Variants in SYT10 observed in about 807,000 individuals in gnomAD.
SYT10 encodes synaptotagmin-10.
SYT10 carries 31 observed loss-of-function variants against 51.1 expected under a neutral mutation model. The ratio of observed to expected loss-of-function variants is 0.61; its 90% CI spans 0.46 to 0.82. The LOEUF is 0.82. Among genes scored for constraint, SYT10 ranks in the 40% least tolerant of loss-of-function variants. The pLI, the probability that SYT10 is intolerant of heterozygous loss-of-function variation, is 0.00. For synonymous variants in SYT10, 233 were observed against 225.9 expected, an observed-to-expected ratio of 1.03 and a Z score of -0.28; for missense variants, 603 against 634.0, an observed-to-expected ratio of 0.95 and a Z score of 0.53.
At chr12:33,413,755 C>A (rs145771953) in intron 2 of SYT10, among the ~76,000 whole-genome samples, 1 of 152,160 alleles carries the variant, frequency 6.6e-6, no homozygotes, top group South Asian at 2.1e-4. Context: ...ACCTTCAAGG[C>A]TAGGAAGAAA....
At chr12:33,439,328 G>T in intron 1 of SYT10, 44 bp downstream of exon 1, 1 of 1,586,458 alleles carries the variant, frequency 6.3e-7, no homozygotes, top group Non-Finnish European at 8.6e-7. Flanking sequence ...AGCGCGCGGG[G>T]TCCCAGCGGA....
chr12:33,388,176 TA>T (rs1291905828), intron 3 of SYT10, among the ~76,000 whole-genome samples: 5 of 152,160 alleles, frequency 3.3e-5, no homozygotes, highest in Admixed American at 6.5e-5. Flanking sequence ...CTTTTTGTAT[TA>T]GGGGTATTAA....
chr12:33,386,457 T>C (rs964827561), intron 3 of SYT10, among the ~76,000 whole-genome samples: 3 of 152,036 alleles, frequency 2.0e-5, no homozygotes, highest in African/African-American at 7.2e-5. Context: ...CTCAAACAAA[T>C]GAAGTTTGTT....
chr12:33,407,653 T>C, intron 2 of SYT10: 1 of 301,424 alleles, frequency 3.3e-6, no homozygotes, highest in Admixed American at 4.8e-5. Context: ...TCACCCTAGC[T>C]GGAGTACGGT....
Position 33,438,413 on chromosome 12 carries a change from C to A in SYT10, c.151+959G>T, listed in dbSNP as rs1866655182. Among the ~76,000 whole-genome samples, 3 of 152,210 alleles carry A rather than the reference C, an allele frequency of 2.0e-5. No homozygotes were observed. In the South Asian group the frequency reaches 6.2e-4, roughly 31 times the overall value. ...GCTCTTGAAACCACGCAGCCCGCAACTCGGGGATCCACCTCGCGTGCGCCC... is the reference window on the plus strand; with the variant it reads ...GCTCTTGAAACCACGCAGCCCGCAAATCGGGGATCCACCTCGCGTGCGCCC... On this transcript the variant is annotated intron_variant, in intron 1 of 6. Transcript: ENST00000228567.
intron 3 of SYT10, among the ~76,000 whole-genome samples, chr12:33,406,577 C>T (rs983301756): frequency 4.6e-5 from 7 of 152,126 alleles, no homozygotes; most frequent in Admixed American, 3.3e-4. Context: ...ATAAGAGCTA[C>T]GTTTTTTTAT....
chr12:33,439,613 T>G lies in SYT10; in HGVS notation c.-91A>C. On this transcript the variant is annotated 5_prime_UTR_variant, in exon 1 of 7. It removes an upstream start codon present in the reference 5' UTR. Transcript: ENST00000228567. The stretch of plus-strand genomic sequence containing the variant: ...CTAACCCCTCTGGCGCCCTAAGCCA[T>G]AGTCCGCCCGCGGTGACTTTGGCTG... 6.9e-7 allele frequency: 1 copy of G among 1,456,318 alleles called. No homozygotes were observed. The highest frequency in any genetic ancestry group is 9.2e-7 in the Non-Finnish European group (1 of 1,084,240). The allele number at this position is 1,456,318 out of a possible 1,614,324, so 90.2% of individuals were successfully genotyped here.
chr12:33,392,810 A>G (rs1236665200), intron 3 of SYT10, among the ~76,000 whole-genome samples: 1 of 151,744 alleles, frequency 6.6e-6, no homozygotes, highest in Non-Finnish European at 1.5e-5. Flanking sequence ...AGACAGGATA[A>G]TTACAAAACC....
chr12:33,430,477 G>T (rs1331977912), intron 1 of SYT10, among the ~76,000 whole-genome samples: 1 of 152,108 alleles, frequency 6.6e-6, no homozygotes, highest in African/African-American at 2.4e-5. Context: ...TACCCATGCA[G>T]CTAACATGAT....
At chr12:33,390,552 C>T (rs183739177) in intron 3 of SYT10, among the ~76,000 whole-genome samples, 12 of 138,566 alleles carry the variant, frequency 8.7e-5, no homozygotes, top group African/African-American at 3.4e-4. Flanking sequence ...CTCCCACAAC[C>T]CAAAAACTCC....
intron 5 of SYT10, among the ~76,000 whole-genome samples, chr12:33,380,348 T>C (rs1866103246): frequency 6.6e-6 from 1 of 152,228 alleles, no homozygotes; most frequent in Non-Finnish European, 1.5e-5. Flanking sequence ...CTTAATGTTT[T>C]ATAACGATGT....
At position 33,375,473 on chromosome 12, in the gene SYT10, C is replaced by G. The variant is rs1555175709; in HGVS notation, c.*1357G>C. The G allele has an allele frequency of 6.6e-6, 1 of 151,762 alleles. No homozygotes were observed. Among genetic ancestry groups the G allele is most frequent in the Non-Finnish European group, 1.5e-5 (1 of 67,914 alleles). The allele number at this position is 151,762 out of a possible 1,614,324, so 9.4% of individuals were successfully genotyped here. On this transcript the variant is annotated 3_prime_UTR_variant, in exon 7 of 7. Transcript: ENST00000228567. ...AAGCTTGAAATATATACTATCTATA[C>G]CACACATCTTAAAAGTAAGGTTGGG...
intron 2 of SYT10, chr12:33,424,014 T>G: frequency 2.2e-6 from 1 of 455,860 alleles, no homozygotes; most frequent in Non-Finnish European, 4.4e-6. Context: ...CAACCACTCA[T>G]ATAAACAATG....
chr12:33,395,548 A>G (rs1004337128), intron 3 of SYT10, among the ~76,000 whole-genome samples: 2 of 152,234 alleles, frequency 1.3e-5, no homozygotes, highest in Admixed American at 1.3e-4. Context: ...ACCAGGACAC[A>G]GCTGATAGAA....
intron 1 of SYT10, chr12:33,432,815 T>A (rs1866607784): frequency 6.6e-6 from 1 of 152,034 alleles, no homozygotes; most frequent in South Asian, 2.1e-4. Context: ...ATAACATACA[T>A]CAAGGTCCAT....
At chr12:33,416,821 AAAT>A (rs1464071672) in intron 2 of SYT10, among the ~76,000 whole-genome samples, 2 of 152,172 alleles carry the variant, frequency 1.3e-5, no homozygotes, top group Non-Finnish European at 2.9e-5. Flanking sequence ...AGAGAGGGAG[AAAT>A]AATAATGCAA....
intron 2 of SYT10, 58 bp downstream of exon 2, chr12:33,426,062 TCACACACACACACACACA>T (rs3046353): frequency 8.3e-6 from 10 of 1,205,872 alleles, no homozygotes; most frequent in South Asian, 1.8e-5. Context: ...TTATGAAATT[TCACACACACACACACACA>T]CACACACACA....
At position 33,385,122 on chromosome 12, in the gene SYT10, T is replaced by G. The variant is rs766998214; in HGVS notation, c.1198+49A>C. 4 of 1,595,156 alleles carry G rather than the reference T, an allele frequency of 2.5e-6. No individual in the cohort carries two copies. The South Asian group carries it at 3.4e-5, about 13-fold the overall frequency. On this transcript the variant is annotated intron_variant, in intron 4 of 6. Coordinates refer to ENST00000228567, the MANE Select transcript of SYT10 (RefSeq NM_198992.4). ...ATGTATCATTTTTAGATACATGAAA[T>G]ATTTCATTTGAGATTGTGCCCTTGG...
At chr12:33,413,122 A>T (rs1372806991) in intron 2 of SYT10, among the ~76,000 whole-genome samples, 1 of 152,164 alleles carries the variant, frequency 6.6e-6, no homozygotes, top group African/African-American at 2.4e-5. Flanking sequence ...GCGAGAAGAG[A>T]AGTTTAGAGA....
Sources: gnomAD v4.1 joint callset for allele counts (sites outside exome capture counted in the v4.1 genomes callset) on GRCh38, gnomAD v4.1.1 for gene constraint, MANE v1.5 for transcripts, NCBI Gene and HGNC (gene_info 2026-07-23, HGNC 2026-07-21) for gene names.